CNTNAP2: variants seen among roughly 807,000 people sequenced by gnomAD.
CNTNAP2 encodes contactin-associated protein-like 2.
Under a neutral mutation model 155.2 loss-of-function variants are expected in CNTNAP2, and 98 were observed. That is an observed-to-expected ratio of 0.63 (90% confidence interval 0.54 to 0.75). The LOEUF (loss-of-function observed/expected upper bound fraction) is 0.75. CNTNAP2 is among the 30% of genes least tolerant of loss of function. CNTNAP2 has a pLI of 0.00. For synonymous variants in CNTNAP2, 651 were observed against 631.2 expected (o/e 1.03, Z -0.47); for missense variants, 1,727 against 1,688.1 (o/e 1.02, Z -0.40).
intron 5 of CNTNAP2, among the ~76,000 whole-genome samples, chr7:147,119,712 A>AAAGG (rs967642367): frequency 1.3e-5 from 2 of 151,790 alleles, no homozygotes; most frequent in Non-Finnish European, 2.9e-5. Context: ...ACAAAGGGAG[A>AAAGG]AAGGAAGGAA....
chr7:147,516,908 A>G (rs1799139055), intron 11 of CNTNAP2, among the ~76,000 whole-genome samples: 2 of 140,562 alleles, frequency 1.4e-5, no homozygotes, highest in East Asian at 4.1e-4. Context: ...TGTGCCCAGG[A>G]TGCAGTGCAG....
At chr7:146,246,999 G>A (rs1390727611) in intron 1 of CNTNAP2, among the ~76,000 whole-genome samples, 1 of 152,172 alleles carries the variant, frequency 6.6e-6, no homozygotes, top group African/African-American at 2.4e-5. Flanking sequence ...TGAAGGCGAG[G>A]TTAATTAAAT....
At chr7:146,385,220 C>A (rs1297779551) in intron 1 of CNTNAP2, among the ~76,000 whole-genome samples, 1 of 152,054 alleles carries the variant, frequency 6.6e-6, no homozygotes, top group Non-Finnish European at 1.5e-5. Context: ...TTCATAACTC[C>A]TATTGCTTGT....
At chr7:147,633,964 G>A (rs925542528) in intron 12 of CNTNAP2, among the ~76,000 whole-genome samples, 1 of 152,136 alleles carries the variant, frequency 6.6e-6, no homozygotes, top group Admixed American at 6.6e-5. Context: ...ATAACAGGTG[G>A]CATGGATGTG....
chr7:146,840,101 A>G (rs1178335278), intron 3 of CNTNAP2, among the ~76,000 whole-genome samples, 197 bp downstream of exon 3: 1 of 152,220 alleles, frequency 6.6e-6, no homozygotes, highest in Non-Finnish European at 1.5e-5. Context: ...ATGATTCTAG[A>G]TCTGGACTAT....
intron 1 of CNTNAP2, among the ~76,000 whole-genome samples, chr7:146,278,445 T>C (rs905492116): frequency 2.0e-5 from 3 of 152,118 alleles, no homozygotes; most frequent in Non-Finnish European, 4.4e-5. Context: ...AGAAGAAAAG[T>C]TTAAAAAATA....
At chr7:146,636,171 C>T (rs1585017637) in intron 1 of CNTNAP2, among the ~76,000 whole-genome samples, 1 of 151,544 alleles carries the variant, frequency 6.6e-6, no homozygotes, top group Admixed American at 6.6e-5. Flanking sequence ...TACAGCGGTG[C>T]CCACAGGAAT....
chr7:148,000,601 G>A lies in CNTNAP2; in HGVS notation c.2383+22612G>A, dbSNP rs1313332146. 7.9e-5 allele frequency among the ~76,000 whole-genome samples: 12 copies of A among 152,242 alleles called. No homozygotes were observed. The East Asian group carries it at 2.3e-3, about 29-fold the overall frequency. ...CTAACCCAGGCAAATTGGCTCCAAA[G>A]CCCATACTTTCAGCCTTTACAGTTT... On this transcript the variant is annotated intron_variant, in intron 15 of 23. Transcript: ENST00000361727.
chr7:147,919,737 C>T (rs913272174), intron 14 of CNTNAP2, among the ~76,000 whole-genome samples: 38 of 151,600 alleles, frequency 2.5e-4, no homozygotes, highest in African/African-American at 8.0e-4. Flanking sequence ...GGATTACAGG[C>T]GTGAGCCACC....
intron 1 of CNTNAP2, among the ~76,000 whole-genome samples, chr7:146,749,143 C>T (rs1801860894): frequency 6.6e-6 from 1 of 151,880 alleles, no homozygotes; most frequent in Admixed American, 6.6e-5. Context: ...CATAGGTATA[C>T]ATGTACATGG....
chr7:147,497,374 A>T (rs182498966), intron 11 of CNTNAP2, among the ~76,000 whole-genome samples: 1 of 152,286 alleles, frequency 6.6e-6, no homozygotes, highest in East Asian at 1.9e-4. Flanking sequence ...AATGTTGGCA[A>T]CTACAGAATT....
intron 14 of CNTNAP2, among the ~76,000 whole-genome samples, chr7:147,972,856 A>C (rs1356060885): frequency 1.3e-5 from 2 of 152,176 alleles, no homozygotes; most frequent in Non-Finnish European, 2.9e-5. Flanking sequence ...GCTCAGATGG[A>C]CAACATAAAG....
intron 1 of CNTNAP2, among the ~76,000 whole-genome samples, chr7:146,704,462 T>TGAAG (rs1800929538): frequency 6.6e-6 from 1 of 152,152 alleles, no homozygotes; most frequent in Non-Finnish European, 1.5e-5. Flanking sequence ...ATTAGACAGA[T>TGAAG]GAAGCTAATC....
intron 13 of CNTNAP2, among the ~76,000 whole-genome samples, chr7:147,772,446 C>CTATATATATATATATATA (rs58027241): frequency 9.4e-5 from 6 of 63,730 alleles, no homozygotes; most frequent in East Asian, 6.3e-4. Flanking sequence ...CTCTCTCTCG[C>CTATATATATATATATATA]TATATATATA....
chr7:147,645,041 T>C (rs1362163812), intron 13 of CNTNAP2, among the ~76,000 whole-genome samples: 2 of 152,170 alleles, frequency 1.3e-5, no homozygotes, highest in South Asian at 2.1e-4. Flanking sequence ...CTGCTTCTTT[T>C]GTTGAAAGAA....
intron 23 of CNTNAP2, among the ~76,000 whole-genome samples, chr7:148,414,522 T>C (rs530810650): frequency 3.2e-5 from 1 of 31,598 alleles, no homozygotes; most frequent in East Asian, 4.6e-4. Flanking sequence ...GCTCTGTCCT[T>C]TCTGTTTCTA....
At chr7:146,166,138 GGCTGGAGT>G (rs1798308892) in intron 1 of CNTNAP2, among the ~76,000 whole-genome samples, 1 of 152,088 alleles carries the variant, frequency 6.6e-6, no homozygotes, top group African/African-American at 2.4e-5. Context: ...TTGTTGCCCA[GGCTGGAGT>G]GCAGTGGGAT....
intron 1 of CNTNAP2, among the ~76,000 whole-genome samples, chr7:146,490,986 A>T (rs1372346944): frequency 6.6e-6 from 1 of 152,154 alleles, no homozygotes; most frequent in East Asian, 1.9e-4. Context: ...ATTTGTAGAT[A>T]TTTATCTATA....
intron 15 of CNTNAP2, among the ~76,000 whole-genome samples, chr7:148,023,266 G>A (rs1802317428): frequency 6.6e-6 from 1 of 152,196 alleles, no homozygotes; most frequent in Non-Finnish European, 1.5e-5. Flanking sequence ...AGCTAACTGT[G>A]TTCAGTAGAG....
Sources: gnomAD v4.1 joint callset for allele counts (sites outside exome capture counted in the v4.1 genomes callset) on GRCh38, gnomAD v4.1.1 for gene constraint, MANE v1.5 for transcripts, NCBI Gene and HGNC (gene_info 2026-07-23, HGNC 2026-07-21) for gene names.